ADK: variants seen among roughly 807,000 people sequenced by gnomAD.
ADK encodes the protein N6,N6-dimethyladenosine kinase.
A neutral mutation model predicts 44.7 loss-of-function variants in ADK; 24 were observed. The observed-to-expected ratio is 0.54, with a 90% CI of 0.39 to 0.76. The LOEUF is 0.76. Ranked by LOEUF, ADK falls within the 30% of genes least tolerant of loss-of-function variation. ADK has a pLI of 0.00. For missense variants in ADK, 321 were observed against 425.1 expected, an observed-to-expected ratio of 0.76 and a Z score of 2.15; for synonymous variants, 128 against 142.6, an observed-to-expected ratio of 0.90 and a Z score of 0.73.
At chr10:74,571,837 T>C (rs1382743583) in intron 7 of ADK, among the ~76,000 whole-genome samples, 1 of 152,212 alleles carries the variant, frequency 6.6e-6, no homozygotes, top group African/African-American at 2.4e-5. Flanking sequence ...CTTTTGAATG[T>C]GTTTGCTCTT....
intron 10 of ADK, among the ~76,000 whole-genome samples, chr10:74,685,476 C>G (rs182314565): frequency 1.5e-4 from 23 of 152,290 alleles, no homozygotes; most frequent in African/African-American, 5.3e-4. Context: ...AGTTCTAAGC[C>G]AAATTCTACC....
At chr10:74,499,778 G>A (rs1028169096) in intron 6 of ADK, among the ~76,000 whole-genome samples, 4 of 152,116 alleles carry the variant, frequency 2.6e-5, no homozygotes, top group Admixed American at 6.5e-5. Context: ...TCAAGAAATT[G>A]GAAACAAATT....
chr10:74,704,405 C>G (rs575392035), intron 10 of ADK, among the ~76,000 whole-genome samples: 27 of 152,204 alleles, frequency 1.8e-4, no homozygotes, highest in Admixed American at 1.6e-3. Context: ...AAAGGATTCC[C>G]TACAATTATT....
At chr10:74,654,187 C>T (rs1854391352) in intron 9 of ADK, among the ~76,000 whole-genome samples, 1 of 152,134 alleles carries the variant, frequency 6.6e-6, no homozygotes, top group South Asian at 2.1e-4. Flanking sequence ...AAAATCTTAA[C>T]CATTGTGCTC....
intron 6 of ADK, among the ~76,000 whole-genome samples, chr10:74,436,014 G>A (rs960940274): frequency 6.6e-6 from 1 of 152,218 alleles, no homozygotes; most frequent in South Asian, 2.1e-4. Flanking sequence ...AATTACAAAA[G>A]ACAGTATAAT....
chr10:74,185,842 GAAAAAAAAAAAA>G (rs71021593), intron 1 of ADK, among the ~76,000 whole-genome samples: 13 of 65,824 alleles, frequency 2.0e-4, no homozygotes, highest in African/African-American at 3.1e-4. Context: ...GTCTCAAAAA[GAAAAAAAAAAAA>G]AAAAAAAAAA....
At chr10:74,382,389 G>A (rs527821113) in intron 4 of ADK, among the ~76,000 whole-genome samples, 8 of 152,118 alleles carry the variant, frequency 5.3e-5, no homozygotes, top group South Asian at 2.1e-4. Context: ...GTGAGCCACC[G>A]CACCTGGCCC....
At chr10:74,370,297 CAAACTA>C (rs1228721003) in intron 4 of ADK, among the ~76,000 whole-genome samples, 1 of 152,064 alleles carries the variant, frequency 6.6e-6, no homozygotes, top group African/African-American at 2.4e-5. Context: ...ATTAGAAAAA[CAAACTA>C]AAGGAATTTA....
intron 3 of ADK, among the ~76,000 whole-genome samples, chr10:74,231,619 C>T (rs575173415): frequency 3.4e-4 from 52 of 151,284 alleles, no homozygotes; most frequent in African/African-American, 1.2e-3. Context: ...CTGTGCACCA[C>T]CACACCTGGC....
chr10:74,672,820 A>C (rs1855237889), intron 10 of ADK, among the ~76,000 whole-genome samples: 1 of 152,210 alleles, frequency 6.6e-6, no homozygotes, highest in Non-Finnish European at 1.5e-5. Context: ...TTCTTGGGGT[A>C]GATTATTTTT....
intron 3 of ADK, among the ~76,000 whole-genome samples, chr10:74,314,304 A>T (rs1255880462): frequency 6.6e-6 from 1 of 152,060 alleles, no homozygotes; most frequent in Non-Finnish European, 1.5e-5. Flanking sequence ...TGATTTCTGT[A>T]TGTTTGTAGT....
chr10:74,625,141 A>G (rs181079367), intron 9 of ADK, among the ~76,000 whole-genome samples: 253 of 152,290 alleles, frequency 1.7e-3, no homozygotes, highest in African/African-American at 6.0e-3. Context: ...ACATACTTAA[A>G]TAATATGATG....
chr10:74,299,499 C>CAA (rs57161550), intron 3 of ADK, among the ~76,000 whole-genome samples: 1,394 of 124,000 alleles, frequency 0.011, 29 homozygotes, highest in African/African-American at 0.037. Context: ...GACTCTGTCT[C>CAA]AAAAAAAAAA....
At chr10:74,635,632 G>A (rs553229135) in intron 9 of ADK, among the ~76,000 whole-genome samples, 1 of 152,190 alleles carries the variant, frequency 6.6e-6, no homozygotes, top group East Asian at 1.9e-4. Context: ...TACTTGTCTT[G>A]ACAGTGGTCA....
chr10:74,154,190 T>A lies in ADK; in HGVS notation c.65+2847T>A, dbSNP rs547927963. ...CTGACTGAAGCAGAGATGTATGGGG[T>A]CCAGGCTTTGTATTAGACACTCTCA... On this transcript the variant is annotated intron_variant, in intron 1 of 10. Transcript: ENST00000539909. Among the ~76,000 whole-genome samples the A allele has an allele frequency of 3.9e-5, 6 of 152,234 alleles. No individual in the cohort carries two copies. In the South Asian group the frequency reaches 1.2e-3, roughly 32 times the overall value.
intron 7 of ADK, among the ~76,000 whole-genome samples, chr10:74,545,333 G>A (rs1264495976): frequency 1.3e-5 from 2 of 152,108 alleles, no homozygotes; most frequent in Admixed American, 6.5e-5. Flanking sequence ...TGGAGTTCAG[G>A]TCAGGCTTAG....
In ADK at chr10:74,591,930, G is replaced by C. The variant is rs74376928; in HGVS notation, c.762+2613G>C. Among the ~76,000 whole-genome samples, 5 of 151,378 alleles carry C rather than the reference G, an allele frequency of 3.3e-5. No individual in the cohort carries two copies. In the South Asian group the frequency reaches 1.0e-3, roughly 32 times the overall value. ...TGGCTGCTGACAGACCAATCCAAGC[G>C]CCTCTAAAAATAACCAGTGTTTATT... On this transcript the variant is annotated intron_variant, in intron 8 of 10. Coordinates refer to ENST00000539909, the MANE Select transcript of ADK (RefSeq NM_006721.4).
chr10:74,331,578 G>T (rs1393149916), intron 4 of ADK, among the ~76,000 whole-genome samples: 2 of 152,106 alleles, frequency 1.3e-5, no homozygotes, highest in Non-Finnish European at 2.9e-5. Context: ...CCGCCTCCTG[G>T]GTTCAAGTGA....
intron 3 of ADK, among the ~76,000 whole-genome samples, chr10:74,297,490 T>C (rs990696125): frequency 7.9e-5 from 12 of 152,230 alleles, no homozygotes; most frequent in African/African-American, 2.9e-4. Context: ...TCACATTATC[T>C]TTGGTGAGCT....
Sources: allele counts gnomAD v4.1 joint callset (sites outside exome capture counted in the v4.1 genomes callset), GRCh38; gene constraint gnomAD v4.1.1; transcripts MANE v1.5; gene names NCBI Gene and HGNC (gene_info 2026-07-23, HGNC 2026-07-21).